Variants in SHC3 observed in about 807,000 individuals in gnomAD.
SHC3 encodes SHC-transforming protein 3.
In SHC3, 15 loss-of-function variants were observed where a neutral mutation model predicts 60.4. That is an observed-to-expected ratio of 0.25 (90% CI 0.17 to 0.38). The LOEUF (loss-of-function observed/expected upper bound fraction) is 0.38, where lower values mean the gene tolerates loss of function less well. Ranked by LOEUF, SHC3 falls within the 10% of genes least tolerant of loss-of-function variation. The pLI is 1.00. For missense variants in SHC3, 677 were observed against 786.1 expected (o/e 0.86, Z 1.66); for synonymous variants, 294 against 325.9 (o/e 0.90, Z 1.05).
chr9:89,015,609 C>T (rs1043655544), intron 11 of SHC3, among the ~76,000 whole-genome samples: 1 of 152,206 alleles, frequency 6.6e-6, no homozygotes, highest in African/African-American at 2.4e-5. Flanking sequence ...ACTTCATTAC[C>T]GTAAATACTC....
At chr9:89,123,969 G>A (rs1826127557) in intron 1 of SHC3, among the ~76,000 whole-genome samples, 1 of 152,040 alleles carries the variant, frequency 6.6e-6, no homozygotes. Context: ...GGCAAAAAGG[G>A]TCTCTTAAAT....
intron 2 of SHC3, among the ~76,000 whole-genome samples, chr9:89,100,757 C>G (rs1386045839): frequency 6.6e-6 from 1 of 152,162 alleles, no homozygotes; most frequent in Admixed American, 6.5e-5. Flanking sequence ...TTGTATCTGG[C>G]TTCTTTTACT....
intron 1 of SHC3, among the ~76,000 whole-genome samples, chr9:89,129,210 A>G (rs1171187977): frequency 6.6e-6 from 1 of 152,190 alleles, no homozygotes; most frequent in Non-Finnish European, 1.5e-5. Context: ...TTAGAGAAAA[A>G]AGAGTAAAAA....
At chr9:89,125,131 G>T (rs1432154833) in intron 1 of SHC3, among the ~76,000 whole-genome samples, 1 of 152,122 alleles carries the variant, frequency 6.6e-6, no homozygotes, top group Non-Finnish European at 1.5e-5. Flanking sequence ...CTGCAGCAGT[G>T]GGTCTCCAAG....
At chr9:89,164,856 G>A (rs997764181) in intron 1 of SHC3, among the ~76,000 whole-genome samples, 1 of 152,092 alleles carries the variant, frequency 6.6e-6, no homozygotes, top group Non-Finnish European at 1.5e-5. Context: ...GTAGCCAGGA[G>A]CAACAAAGTA....
chr9:89,051,996 C>G, intron 7 of SHC3, 41 bp downstream of exon 7: 1 of 1,607,386 alleles, frequency 6.2e-7, no homozygotes, highest in Middle Eastern at 1.7e-4. Flanking sequence ...GGTCATAAAA[C>G]CCACATAGGC....
intron 1 of SHC3, among the ~76,000 whole-genome samples, chr9:89,157,426 C>G (rs1281987056): frequency 6.6e-6 from 1 of 152,210 alleles, no homozygotes; most frequent in Non-Finnish European, 1.5e-5. Context: ...CCGGAAGCCT[C>G]CAGAACAAAT....
intron 1 of SHC3, among the ~76,000 whole-genome samples, chr9:89,120,613 T>C (rs913691185): frequency 3.3e-5 from 5 of 152,224 alleles, no homozygotes; most frequent in Non-Finnish European, 7.3e-5. Context: ...TGGAAAACTA[T>C]ATGGAAGTAT....
chr9:89,171,882 A>C (rs1456119398), intron 1 of SHC3, among the ~76,000 whole-genome samples: 1 of 152,224 alleles, frequency 6.6e-6, no homozygotes, highest in Non-Finnish European at 1.5e-5. Flanking sequence ...TGAGGTGCAG[A>C]GCAAGGCATG....
chr9:89,169,098 A>T (rs10780225), intron 1 of SHC3, among the ~76,000 whole-genome samples: 140,415 of 152,284 alleles, frequency 0.92, 64,892 homozygotes, highest in East Asian at 0.98. Context: ...TCTCTTTTTT[A>T]ATAAGCAACT....
chr9:89,145,607 A>C (rs1826457723), intron 1 of SHC3, among the ~76,000 whole-genome samples: 2 of 152,266 alleles, frequency 1.3e-5, no homozygotes, highest in Non-Finnish European at 2.9e-5. Context: ...AGAAGTAAGA[A>C]TACACAGGAG....
chr9:89,033,949 A>G (rs1824532030), intron 11 of SHC3, among the ~76,000 whole-genome samples: 1 of 152,162 alleles, frequency 6.6e-6, no homozygotes, highest in Non-Finnish European at 1.5e-5. Context: ...ATATACAAGC[A>G]AAGGCAGCAA....
At position 89,045,762 on chromosome 9, in the gene SHC3, T is replaced by C; in HGVS notation, c.1185A>G (p.Gln395=). 6.2e-7 allele frequency: 1 copy of C among 1,614,146 alleles called. No homozygotes were observed. Among genetic ancestry groups the C allele is most frequent in the African/African-American group, 1.3e-5 (1 of 75,050 alleles). ...GCCTCTCACCTTGCCTTAAAGGTGTTTGCTGCCAGTCTTCGCCAAAAGTGT... is the reference window on the plus strand; with the variant it reads ...GCCTCTCACCTTGCCTTAAAGGTGTCTGCTGCCAGTCTTCGCCAAAAGTGT... ...LGDTFGEDWQ[Q]TPLRQGSSDI... The change falls in exon 9 of 12, where the codon CAA becomes CAG. Residue 395 remains glutamine (Q), a synonymous_variant. Transcript: ENST00000375835.
rs368087246 is a variant in SHC3 at position 89,042,959 on chromosome 9, C to G, written c.1202-775G>C. On this transcript the variant is annotated intron_variant, in intron 9 of 11. Coordinates refer to ENST00000375835, the MANE Select transcript of SHC3 (RefSeq NM_016848.6). ...CCCAGACCCTGGGTGAAAGTGACAC[C>G]CAGACCTAGTTGCCGGAGAACGCCT... 3.2e-4 allele frequency among the ~76,000 whole-genome samples: 48 copies of G among 152,206 alleles called. 2 individuals carry two copies. The South Asian group carries it at 9.8e-3, about 31-fold the overall frequency.
At chr9:89,039,444 G>C (rs1428789679) in intron 10 of SHC3, among the ~76,000 whole-genome samples, 1 of 152,172 alleles carries the variant, frequency 6.6e-6, no homozygotes, top group African/African-American at 2.4e-5. Flanking sequence ...GTCTGTGGAA[G>C]TTCTTTTTCA....
chr9:89,120,116 C>T (rs562251737), intron 1 of SHC3, among the ~76,000 whole-genome samples: 6 of 152,148 alleles, frequency 3.9e-5, no homozygotes, highest in South Asian at 2.1e-4. Context: ...CAAATATAAA[C>T]GCTAAAATGG....
chr9:89,022,968 C>G (rs770658758), intron 11 of SHC3, among the ~76,000 whole-genome samples: 1 of 152,222 alleles, frequency 6.6e-6, no homozygotes, highest in Non-Finnish European at 1.5e-5. Context: ...TCAAATTCTT[C>G]TAAATCAAGA....
At chr9:89,015,106 C>A (rs1826073393) in intron 11 of SHC3, among the ~76,000 whole-genome samples, 1 of 152,172 alleles carries the variant, frequency 6.6e-6, no homozygotes, top group East Asian at 1.9e-4. Flanking sequence ...CAGCATCTTT[C>A]TACTGAGGTT....
chr9:89,054,950 C>A (rs1824924441), intron 6 of SHC3, among the ~76,000 whole-genome samples: 1 of 152,218 alleles, frequency 6.6e-6, no homozygotes, highest in Non-Finnish European at 1.5e-5. Context: ...CCAAGCTGCC[C>A]CGGAGCAGCC....
Sources: allele counts gnomAD v4.1 joint callset (sites outside exome capture counted in the v4.1 genomes callset), GRCh38; gene constraint gnomAD v4.1.1; transcripts MANE v1.5; gene names NCBI Gene and HGNC (gene_info 2026-07-23, HGNC 2026-07-21).